Variants in OR3A2 observed in about 807,000 individuals in gnomAD.
OR3A2 encodes olfactory receptor family 3 subfamily A member 2.
For synonymous variants in OR3A2, 126 were observed against 159.3 expected (o/e 0.79, Z 1.57); for missense variants, 318 against 392.8 (o/e 0.81, Z 1.61).
intron 3 of OR3A2, among the ~76,000 whole-genome samples, chr17:3,306,272 C>T (rs1316517551): frequency 6.6e-6 from 1 of 152,168 alleles, no homozygotes; most frequent in Admixed American, 6.5e-5. Flanking sequence ...CTACCTTAGC[C>T]TCCCAAGTAG....
chr17:3,310,382 A>G (rs1281243949), intron 3 of OR3A2: 3 of 534,854 alleles, frequency 5.6e-6, no homozygotes, highest in East Asian at 5.4e-5. Context: ...CAGAGACTGC[A>G]GCTCTACAGC....
At chr17:3,307,618 G>T (rs979808266) in intron 3 of OR3A2, among the ~76,000 whole-genome samples, 1 of 152,194 alleles carries the variant, frequency 6.6e-6, no homozygotes, top group East Asian at 1.9e-4. Context: ...GGTGTTGGAG[G>T]CATGAGACTA....
chr17:3,349,509 C>T (rs1293467691), intron 2 of OR3A2, among the ~76,000 whole-genome samples: 5 of 152,124 alleles, frequency 3.3e-5, no homozygotes, highest in African/African-American at 7.2e-5. Flanking sequence ...GCACCCAATA[C>T]AGGAGCACCC....
intron 3 of OR3A2, among the ~76,000 whole-genome samples, chr17:3,314,864 TCA>T (rs1048259011): frequency 2.6e-5 from 4 of 152,116 alleles, no homozygotes; most frequent in African/African-American, 9.7e-5. Context: ...TTTTAGTAGT[TCA>T]CAGTGTCTCT....
intron 3 of OR3A2, among the ~76,000 whole-genome samples, chr17:3,321,673 G>A (rs2049123416): frequency 6.6e-6 from 1 of 152,146 alleles, no homozygotes; most frequent in African/African-American, 2.4e-5. Context: ...TTTATATGCT[G>A]GATTACATTT....
chr17:3,344,083 T>G (rs1442583622), intron 2 of OR3A2, among the ~76,000 whole-genome samples: 1 of 152,188 alleles, frequency 6.6e-6, no homozygotes, highest in African/African-American at 2.4e-5. Flanking sequence ...ACAGGAGTGC[T>G]GTAGTGCCAC....
chr17:3,333,132 G>A, intron 3 of OR3A2, among the ~76,000 whole-genome samples: 1 of 152,102 alleles, frequency 6.6e-6, no homozygotes, highest in Non-Finnish European at 1.5e-5. Flanking sequence ...TAAGACCCTA[G>A]CAAAATAATT....
intron 3 of OR3A2, among the ~76,000 whole-genome samples, chr17:3,331,015 T>G (rs942007188): frequency 1.6e-4 from 24 of 152,210 alleles, no homozygotes; most frequent in Admixed American, 5.9e-4. Context: ...GAAAATTCTT[T>G]TCTTTAAGAA....
chr17:3,328,060 G>A (rs1180931511), intron 3 of OR3A2, among the ~76,000 whole-genome samples: 1 of 145,586 alleles, frequency 6.9e-6, no homozygotes, highest in Non-Finnish European at 1.5e-5. Context: ...GGTTCCATAT[G>A]AACTTTAAAG....
At chr17:3,371,819 G>GA (rs2049627700) in intron 2 of OR3A2, among the ~76,000 whole-genome samples, 1 of 134,464 alleles carries the variant, frequency 7.4e-6, no homozygotes, top group Non-Finnish European at 1.6e-5. Flanking sequence ...TGGCCGGGCG[G>GA]GGGGCTGACC....
At chr17:3,374,601 ATTTC>A (rs2049663328) in intron 2 of OR3A2, among the ~76,000 whole-genome samples, 2 of 152,064 alleles carry the variant, frequency 1.3e-5, no homozygotes, top group African/African-American at 4.8e-5. Context: ...TGTATTTTGC[ATTTC>A]TTTAAGTGTG....
chr17:3,340,752 TG>T (rs61241541), intron 2 of OR3A2, among the ~76,000 whole-genome samples: 152,294 of 152,294 alleles, frequency 1, 76,147 homozygotes, highest in Non-Finnish European at 1. Context: ...TGACTTGGGG[TG>T]GGAGAGTTCT....
intron 3 of OR3A2, among the ~76,000 whole-genome samples, chr17:3,305,551 T>C (rs2048992801): frequency 6.6e-6 from 1 of 152,140 alleles, no homozygotes; most frequent in Non-Finnish European, 1.5e-5. Context: ...AGGACAAAAA[T>C]CAGAGATGCA....
chr17:3,383,966 C>CCAATATTTATTCAAT, intron 1 of OR3A2: 1 of 104,074 alleles, frequency 9.6e-6, no homozygotes, highest in South Asian at 3.8e-4. Flanking sequence ...ATATTGTATA[C>CCAATATTTATTCAAT]AAATATTTAT....
chr17:3,296,663 A>G (rs2048920434), intron 3 of OR3A2, among the ~76,000 whole-genome samples: 1 of 152,238 alleles, frequency 6.6e-6, no homozygotes, highest in Admixed American at 6.5e-5. Context: ...ACCCCAATCT[A>G]TATTTTTTGA....
chr17:3,343,151 G>C (rs529518339), intron 2 of OR3A2, among the ~76,000 whole-genome samples: 2 of 152,138 alleles, frequency 1.3e-5, no homozygotes, highest in African/African-American at 2.4e-5. Flanking sequence ...GATTTTCCCG[G>C]TACAGTCTGT....
rs202070898 is a variant in OR3A2, at chr17:3,278,109, G to C, written c.809C>G (p.Ala270Gly). The C allele has an allele frequency of 3.2e-5, 52 of 1,614,098 alleles. No individual in the cohort carries two copies. Among genetic ancestry groups the C allele is most frequent in the Non-Finnish European group, 5.9e-6 (7 of 1,180,044 alleles). ...TCCAACCCCTTTATCCTTGTCTGAA[G>C]CCTCCTCTGAACCCAGTCTCATGTA... is the stretch of plus-strand genomic sequence containing the variant. Residue 270 changes from alanine (A) to glycine (G), a missense_variant, in exon 2 of 2, where the codon GCT becomes GGT. Physicochemically the swap from Ala to Gly is moderately conservative, Grantham distance 60. Coordinates refer to ENST00000642052, the Ensembl canonical transcript of OR3A2.
exon 2 of OR3A2, chr17:3,278,327 G>A: frequency 6.2e-7 from 1 of 1,614,222 alleles, no homozygotes; most frequent in Non-Finnish European, 8.5e-7. Context: ...GCAGCTCATT[G>A]AGTTGGGTGC....
rs112495541 is a variant in OR3A2, at chr17:3,280,264, AT to A, written c.-6-1342del. ...GTACTTGGAAAACCACGCTGAAGTC[AT>A]TTTTCAGATTTTTTTTTTTTTTTTG... On this transcript the variant is annotated intron_variant, in intron 1 of 1. Transcript: ENST00000642052. 1.3e-3 allele frequency among the ~76,000 whole-genome samples: 194 copies of A among 149,378 alleles called. 1 individual carries two copies. The highest frequency in any genetic ancestry group is 4.4e-3 in the African/African-American group (179 of 40,420).
Sources: gnomAD v4.1 joint callset for allele counts (sites outside exome capture counted in the v4.1 genomes callset) on GRCh38, gnomAD v4.1.1 for gene constraint, MANE v1.5 for transcripts, NCBI Gene and HGNC (gene_info 2026-07-23, HGNC 2026-07-21) for gene names.